DOCK4: variants seen among roughly 807,000 people sequenced by gnomAD.
DOCK4 encodes the protein dedicator of cytokinesis 4.
Under a neutral mutation model 268.1 loss-of-function variants are expected in DOCK4, and 97 were observed. That is an observed-to-expected ratio of 0.36 (90% CI 0.31 to 0.43). DOCK4 has a LOEUF of 0.43. DOCK4 is among the 20% of genes least tolerant of loss of function. The probability of loss-of-function intolerance (pLI) is 1.00; values close to 1 mark genes in which losing one functional copy is unlikely to be tolerated. For missense variants in DOCK4, 2,145 were observed against 2,455.7 expected, an observed-to-expected ratio of 0.87 and a Z score of 2.67; for synonymous variants, 954 against 887.2, an observed-to-expected ratio of 1.08 and a Z score of -1.34.
intron 1 of DOCK4, among the ~76,000 whole-genome samples, chr7:112,048,360 A>G (rs960891004): frequency 3.4e-5 from 5 of 146,974 alleles, no homozygotes; most frequent in African/African-American, 1.0e-4. Context: ...CCTGGGCAAC[A>G]TGGTAAAACC....
At chr7:112,149,033 G>C (rs1052783195) in intron 1 of DOCK4, among the ~76,000 whole-genome samples, 1 of 152,096 alleles carries the variant, frequency 6.6e-6, no homozygotes. Context: ...ATCTTGCTCT[G>C]TTCCTAATTA....
intron 1 of DOCK4, among the ~76,000 whole-genome samples, chr7:112,195,320 A>C (rs760746765): frequency 6.6e-6 from 1 of 152,156 alleles, no homozygotes; most frequent in Non-Finnish European, 1.5e-5. Flanking sequence ...GAAGGGGCAA[A>C]CCTTTACTAT....
intron 1 of DOCK4, among the ~76,000 whole-genome samples, chr7:112,114,637 T>C (rs1811958746): frequency 6.6e-6 from 1 of 152,234 alleles, no homozygotes; most frequent in Admixed American, 6.5e-5. Context: ...GTAATTTATG[T>C]GTGCTTCCTA....
intron 30 of DOCK4, among the ~76,000 whole-genome samples, chr7:111,806,575 T>C (rs539794582): frequency 6.6e-5 from 10 of 152,338 alleles, no homozygotes; most frequent in African/African-American, 2.2e-4. Flanking sequence ...GAGCCTTTTC[T>C]AACAGCGTCT....
At chr7:111,803,129 C>T (rs913586467) in intron 30 of DOCK4, among the ~76,000 whole-genome samples, 7 of 152,220 alleles carry the variant, frequency 4.6e-5, no homozygotes, top group Non-Finnish European at 1.0e-4. Context: ...CCATATACTA[C>T]ATTCTGCAGC....
In DOCK4 at chr7:112,000,619, T is replaced by C. The variant is rs1274805384; in HGVS notation, c.122-85A>G. 2.8e-6 allele frequency: 3 copies of C among 1,056,390 alleles called. No homozygotes were observed. The East Asian group carries it at 8.2e-5, about 29-fold the overall frequency. The allele number at this position is 1,056,390 out of a possible 1,614,324, so 65.4% of individuals were successfully genotyped here. A position where few individuals can be genotyped will look rare whatever the true frequency, so the allele number is the denominator to read the frequency against. On this transcript the variant is annotated intron_variant, in intron 2 of 52. Coordinates refer to ENST00000428084, the MANE Select transcript of DOCK4 (RefSeq NM_001363540.2). ...AACAAATCAATCTGTTCTTTGCCGA[T>C]GGAATTTTACCATACATGAAAAGAT...
chr7:112,144,067 A>G (rs58305654), intron 1 of DOCK4, among the ~76,000 whole-genome samples: 41,078 of 151,994 alleles, frequency 0.27, 6,493 homozygotes, highest in East Asian at 0.48. Flanking sequence ...GGGATGCTAC[A>G]ATCTTTTGGG....
intron 1 of DOCK4, among the ~76,000 whole-genome samples, chr7:112,078,856 T>G (rs1303673657): frequency 6.6e-6 from 1 of 152,156 alleles, no homozygotes; most frequent in Non-Finnish European, 1.5e-5. Context: ...CCGGGTGCGG[T>G]GGCTCACACC....
At chr7:111,936,127 GTC>G (rs1314288867) in intron 11 of DOCK4, among the ~76,000 whole-genome samples, 2 of 152,176 alleles carry the variant, frequency 1.3e-5, no homozygotes, top group Non-Finnish European at 2.9e-5. Context: ...TCATTAGCAA[GTC>G]TCTGCCTACT....
intron 1 of DOCK4, among the ~76,000 whole-genome samples, chr7:112,042,317 T>C (rs974273902): frequency 6.6e-6 from 1 of 152,114 alleles, no homozygotes; most frequent in African/African-American, 2.4e-5. Flanking sequence ...GACGAAGACA[T>C]TGTGCTCCAA....
At chr7:112,111,385 C>T (rs1811638462) in intron 1 of DOCK4, among the ~76,000 whole-genome samples, 1 of 151,916 alleles carries the variant, frequency 6.6e-6, no homozygotes, top group Admixed American at 6.6e-5. Context: ...AGGACATAGG[C>T]GGGGGTCTCA....
intron 30 of DOCK4, among the ~76,000 whole-genome samples, chr7:111,803,153 T>C (rs534084184): frequency 1.1e-4 from 17 of 152,334 alleles, no homozygotes; most frequent in African/African-American, 4.1e-4. Context: ...ATTTTTTCCA[T>C]TGACAGTTAA....
chr7:112,157,801 A>C (rs1032289811), intron 1 of DOCK4, among the ~76,000 whole-genome samples: 1 of 152,152 alleles, frequency 6.6e-6, no homozygotes, highest in Admixed American at 6.6e-5. Flanking sequence ...AAAAGCAGAC[A>C]AGGGCCAGGC....
At chr7:111,895,788 A>C in intron 15 of DOCK4, 70 bp from the exon 16 acceptor site, 1 of 1,415,236 alleles carries the variant, frequency 7.1e-7, no homozygotes, top group Non-Finnish European at 1.0e-6. Context: ...CAAGAAGCAT[A>C]ATCATCGAGA....
chr7:112,042,240 T>C (rs1480404516), intron 1 of DOCK4, among the ~76,000 whole-genome samples: 1 of 152,192 alleles, frequency 6.6e-6, no homozygotes, highest in Non-Finnish European at 1.5e-5. Context: ...TTATTCCTCA[T>C]TTAGTGAACC....
intron 16 of DOCK4, among the ~76,000 whole-genome samples, chr7:111,885,971 T>C (rs1807807762): frequency 1.3e-5 from 2 of 152,224 alleles, no homozygotes; most frequent in Non-Finnish European, 2.9e-5. Flanking sequence ...CTGCATTATG[T>C]TCTAGGCTAC....
chr7:111,745,686 A>AG (rs1796215785), intron 44 of DOCK4, among the ~76,000 whole-genome samples: 18 of 143,688 alleles, frequency 1.3e-4, no homozygotes, highest in Admixed American at 1.1e-3. Context: ...TCCGTCTTAA[A>AG]AAAAAAAAAA....
Position 111,900,555 on chromosome 7 carries a change from C to G in DOCK4, c.1318-19G>C. On this transcript the variant is annotated intron_variant, in intron 14 of 52. Coordinates refer to ENST00000428084, the MANE Select transcript of DOCK4 (RefSeq NM_001363540.2). The stretch of plus-strand genomic sequence containing the variant: ...TAAAATCCTAACAAAGGGAAGAACA[C>G]ACAGGTTAAAGAGAGCTTCATCTAA... 1 of 1,604,522 alleles carries G rather than the reference C, an allele frequency of 6.2e-7. No individual in the cohort carries two copies. The highest frequency in any genetic ancestry group is 1.7e-4 in the Middle Eastern group (1 of 6,054).
intron 1 of DOCK4, among the ~76,000 whole-genome samples, chr7:112,128,744 C>T (rs1813512141): frequency 2.0e-5 from 3 of 151,840 alleles, no homozygotes; most frequent in African/African-American, 7.3e-5. Context: ...ATCACCACTC[C>T]CTAATCTCAA....
Sources: allele counts gnomAD v4.1 joint callset (sites outside exome capture counted in the v4.1 genomes callset), GRCh38; gene constraint gnomAD v4.1.1; transcripts MANE v1.5; gene names NCBI Gene and HGNC (gene_info 2026-07-23, HGNC 2026-07-21).